CMTM4: variants seen among roughly 807,000 people sequenced by gnomAD.
CMTM4 encodes the protein CKLF-like MARVEL transmembrane domain-containing protein 4.
Under a neutral mutation model 19.0 loss-of-function variants are expected in CMTM4, and 8 were observed. That is an observed-to-expected ratio of 0.42 (90% CI 0.25 to 0.76). The LOEUF (loss-of-function observed/expected upper bound fraction) is 0.76. CMTM4 is among the 30% of genes least tolerant of loss of function. CMTM4 has a pLI of 0.27. For missense variants in CMTM4, 228 were observed against 290.2 expected (o/e 0.79, Z 1.56); for synonymous variants, 106 against 121.1 (o/e 0.88, Z 0.82).
Position 66,696,151 on chromosome 16 carries a change from C to T in CMTM4, c.186+189G>A, listed in dbSNP as rs1482440705. Among the ~76,000 whole-genome samples, 1 of 152,176 alleles carries T rather than the reference C, an allele frequency of 6.6e-6. No homozygotes were observed. Among genetic ancestry groups the T allele is most frequent in the Non-Finnish European group, 1.5e-5 (1 of 68,020 alleles). On this transcript the variant is annotated intron_variant, in intron 1 of 3. Coordinates refer to ENST00000394106, the MANE Select transcript of CMTM4 (RefSeq NM_181521.3). The surrounding 1 kb of genome is among the most constrained non-coding windows in gnomAD (Gnocchi z 4.3). ...AGGCTGCCGGCCTGGGAAGGGCAGG[C>T]TCTGGCCGAAGGCGGGGTCCCCAGA... is the stretch of plus-strand genomic sequence containing the variant.
chr16:66,609,271 C>A, the CMTM4 span: 5 of 622,716 alleles, frequency 8.0e-6, no homozygotes, highest in Non-Finnish European at 1.1e-5. The surrounding 1 kb of genome is among the most constrained non-coding windows in gnomAD (Gnocchi z 4.4). Context: ...AGCAGAGGCA[C>A]CTCGGGGGTG....
At chr16:66,672,757 G>A (rs1404721008) in intron 1 of CMTM4, among the ~76,000 whole-genome samples, 3 of 150,006 alleles carry the variant, frequency 2.0e-5, no homozygotes, top group Admixed American at 6.7e-5. Context: ...TTACAGGCAC[G>A]TGCCACCACA....
rs771440953 is a variant in CMTM4, at chr16:66,648,658, C to CA, written c.187-12078dup. Among the ~76,000 whole-genome samples the CA allele has an allele frequency of 7.9e-3, 1,107 of 140,280 alleles. 7 individuals carry two copies. Among genetic ancestry groups the CA allele is most frequent in the Middle Eastern group, 0.049 (13 of 266 alleles). The allele number at this position is 140,280 out of a possible 152,430, so 92.0% of individuals were successfully genotyped here. ...GGGCAACAAGAATGAAACTCCGTCTCAAAAAAAAAAAGAAATAAATCTCAG... is the reference window on the plus strand; with the variant it reads ...GGGCAACAAGAATGAAACTCCGTCTCAAAAAAAAAAAAGAAATAAATCTCAG... On this transcript the variant is annotated intron_variant, in intron 1 of 3. Coordinates refer to ENST00000394106, the MANE Select transcript of CMTM4 (RefSeq NM_181521.3).
rs1165692127 is a variant in CMTM4, at chr16:66,636,441, C to G, written c.327G>C (p.Leu109=). ...GVLLIMFSLN[L]HMRIPQINWN... The stretch of plus-strand genomic sequence containing the variant: ...AGTTGATCTGGGGGATCCTCATGTG[C>G]AGGTTGAGACTGAACATAATCAGCA... The change falls in exon 2 of 4, where the codon CTG becomes CTC. Residue 109 remains leucine, a synonymous_variant. Coordinates refer to ENST00000394106, the MANE Select transcript of CMTM4 (RefSeq NM_181521.3). 1.2e-6 allele frequency: 2 copies of G among 1,614,088 alleles called. No individual in the cohort carries two copies. Among genetic ancestry groups the G allele is most frequent in the Non-Finnish European group, 1.7e-6 (2 of 1,179,988 alleles).
intron 1 of CMTM4, among the ~76,000 whole-genome samples, chr16:66,685,715 C>T (rs1345408590): frequency 6.6e-6 from 1 of 152,188 alleles, no homozygotes; most frequent in East Asian, 1.9e-4. Flanking sequence ...GCAATTTTGG[C>T]TCACTGCAAC....
Position 66,616,032 on chromosome 16 carries a change from TG to T in CMTM4, c.*6025del, listed in dbSNP as rs976932250. ...AGAGGAATAGCCAGGGAATTTTTTT[TG>T]TTTTTTTTCTTCTTTAAAATACATA... On this transcript the variant is annotated 3_prime_UTR_variant, in exon 4 of 4. Transcript: ENST00000394106. 150 of 152,256 alleles carry T rather than the reference TG, an allele frequency of 9.9e-4. No homozygotes were observed. The highest frequency in any genetic ancestry group is 3.3e-3 in the African/African-American group (137 of 41,542). 9.4% of individuals were successfully genotyped at this position (152,256 alleles called of 1,614,324 possible).
Position 66,636,552 on chromosome 16 carries a change from T to TATGCAG in CMTM4, c.210_215dup (p.Cys71_Ile72dup). Reference sequence around the variant, plus strand: ...ACGGGGAGCATGCCATGATGGTCTCTATGCAGATGAATGCAATCAGGGCCA... The same window carrying TATGCAG: ...ACGGGGAGCATGCCATGATGGTCTCTATGCAGATGCAGATGAATGCAATCAGGGCCA... On this transcript the variant is annotated inframe_insertion, in exon 2 of 4. Coordinates refer to ENST00000394106, the MANE Select transcript of CMTM4 (RefSeq NM_181521.3). The TATGCAG allele has an allele frequency of 6.2e-7, 1 of 1,614,222 alleles. No homozygotes were observed. Among genetic ancestry groups the TATGCAG allele is most frequent in the African/African-American group, 1.3e-5 (1 of 75,070 alleles).
chr16:66,671,270 C>T (rs2016701187), intron 1 of CMTM4, among the ~76,000 whole-genome samples: 1 of 152,104 alleles, frequency 6.6e-6, no homozygotes, highest in African/African-American at 2.4e-5. Flanking sequence ...GAAGGGCTAA[C>T]TTCGGGAGTC....
At chr16:66,598,930 T>C in the CMTM4 span, among the ~76,000 whole-genome samples, 53 of 151,874 alleles carry the variant, frequency 3.5e-4, no homozygotes, top group Admixed American at 2.8e-3. Flanking sequence ...AACCCAACAG[T>C]TCAAGACCAG....
At chr16:66,690,854 C>T (rs2017121717) in intron 1 of CMTM4, among the ~76,000 whole-genome samples, 1 of 152,142 alleles carries the variant, frequency 6.6e-6, no homozygotes, top group Non-Finnish European at 1.5e-5. Flanking sequence ...CACCTGTAAT[C>T]CCAGCACTTT....
At chr16:66,625,925 T>C (rs981206396) in intron 2 of CMTM4, among the ~76,000 whole-genome samples, 21 of 152,224 alleles carry the variant, frequency 1.4e-4, no homozygotes, top group African/African-American at 5.1e-4. Context: ...ATGTGACAAG[T>C]GGCTGCCTCA....
In CMTM4 at chr16:66,621,464, G is replaced by A. The variant is rs1363603910; in HGVS notation, c.*594C>T. On this transcript the variant is annotated 3_prime_UTR_variant, in exon 4 of 4. Transcript: ENST00000394106. ...ATCAAGTGATTTCTCAGCAGAGTAGGAAACAAAAGGTCACCCTTCCTTGAG... is the reference window on the plus strand; with the variant it reads ...ATCAAGTGATTTCTCAGCAGAGTAGAAAACAAAAGGTCACCCTTCCTTGAG... 1.0e-6 allele frequency: 1 copy of A among 985,918 alleles called. No homozygotes were observed. The highest frequency in any genetic ancestry group is 1.2e-6 in the Non-Finnish European group (1 of 830,052). The allele number at this position is 985,918 out of a possible 1,614,324, so 61.1% of individuals were successfully genotyped here. A position where few individuals can be genotyped will look rare whatever the true frequency, so the allele number is the denominator to read the frequency against.
intron 1 of CMTM4, among the ~76,000 whole-genome samples, chr16:66,670,578 G>A (rs113871032): frequency 0.012 from 1,882 of 151,990 alleles, 23 homozygotes; most frequent in Middle Eastern, 0.058. Context: ...GAGGTAGGCG[G>A]ATCACGAGGT....
chr16:66,630,871 G>A (rs1182754885), intron 2 of CMTM4, among the ~76,000 whole-genome samples: 10 of 148,290 alleles, frequency 6.7e-5, no homozygotes, highest in South Asian at 2.2e-4. Flanking sequence ...CTGCCCGGCC[G>A]CCCATCGTCT....
At chr16:66,668,405 A>T (rs1321679862) in intron 1 of CMTM4, among the ~76,000 whole-genome samples, 2 of 152,062 alleles carry the variant, frequency 1.3e-5, no homozygotes, top group Non-Finnish European at 1.5e-5. Context: ...AGTTGCTATG[A>T]CCACAGAACT....
At chr16:66,660,448 T>C (rs1480992222) in intron 1 of CMTM4, among the ~76,000 whole-genome samples, 2 of 150,218 alleles carry the variant, frequency 1.3e-5, no homozygotes, top group East Asian at 3.9e-4. Flanking sequence ...GCATGTAAAT[T>C]AAAAAGAAAA....
At chr16:66,662,254 A>C (rs2016511633) in intron 1 of CMTM4, among the ~76,000 whole-genome samples, 2 of 152,232 alleles carry the variant, frequency 1.3e-5, no homozygotes, top group Non-Finnish European at 2.9e-5. Flanking sequence ...AAAACAAATC[A>C]AAGTAGGCAG....
intron 1 of CMTM4, among the ~76,000 whole-genome samples, chr16:66,683,009 G>A (rs147721328): frequency 2.0e-5 from 3 of 151,406 alleles, no homozygotes; most frequent in Admixed American, 6.6e-5. Flanking sequence ...CCTAGTAGCA[G>A]TAGATAGTCT....
intron 2 of CMTM4, among the ~76,000 whole-genome samples, chr16:66,633,660 A>G (rs1034479425): frequency 6.6e-6 from 1 of 152,130 alleles, no homozygotes; most frequent in Non-Finnish European, 1.5e-5. Context: ...TCTATTAAAA[A>G]TACAAAAATT....
Sources: gnomAD v4.1 joint callset for allele counts (sites outside exome capture counted in the v4.1 genomes callset) on GRCh38, gnomAD v4.1.1 for gene constraint, Gnocchi (gnomAD v3.1) non-coding constraint, MANE v1.5 for transcripts, NCBI Gene and HGNC (gene_info 2026-07-23, HGNC 2026-07-21) for gene names.